The following MICU2 variants were observed in gnomAD, a reference collection of about 807,000 sequenced individuals.
MICU2 encodes mitochondrial calcium uptake 2.
A neutral mutation model predicts 60.4 loss-of-function variants in MICU2; 64 were observed. The ratio of observed to expected loss-of-function variants is 1.06; its 90% confidence interval spans 0.87 to 1.31. The LOEUF is 1.31. Ranked by LOEUF, MICU2 falls within the 50% of genes most tolerant of loss-of-function variation. The pLI is 0.00. For synonymous variants in MICU2, 201 were observed against 175.0 expected (o/e 1.15, Z -1.17); for missense variants, 569 against 531.0 (o/e 1.07, Z -0.70).
chr13:21,567,288 A>G (rs1888008564), intron 1 of MICU2, among the ~76,000 whole-genome samples: 1 of 152,182 alleles, frequency 6.6e-6, no homozygotes, highest in African/African-American at 2.4e-5. Flanking sequence ...GGTCTTTCTG[A>G]AGAGGTAACA....
At chr13:21,502,433 T>C (rs571838858) in intron 9 of MICU2, among the ~76,000 whole-genome samples, 1 of 152,214 alleles carries the variant, frequency 6.6e-6, no homozygotes, top group South Asian at 2.1e-4. Context: ...CATATGCATG[T>C]CATTACATTT....
At chr13:21,497,913 T>G (rs1178613955) in intron 9 of MICU2, among the ~76,000 whole-genome samples, 1 of 152,096 alleles carries the variant, frequency 6.6e-6, no homozygotes, top group African/African-American at 2.4e-5. Flanking sequence ...CACACCCAAC[T>G]AATGTTTTTA....
chr13:21,537,124 C>G (rs1226758643), intron 4 of MICU2, among the ~76,000 whole-genome samples: 1 of 152,114 alleles, frequency 6.6e-6, no homozygotes, highest in Non-Finnish European at 1.5e-5. Context: ...GACTTTCCTA[C>G]TTTCTTTTTA....
intron 2 of MICU2, among the ~76,000 whole-genome samples, chr13:21,541,333 C>G (rs1887279135): frequency 6.6e-6 from 1 of 151,822 alleles, no homozygotes. Flanking sequence ...GTCTGGCTGC[C>G]AAACAGGTAA....
At position 21,588,306 on chromosome 13, in the gene MICU2, T is replaced by C. The variant is rs1485640722; in HGVS notation, c.210+15633A>G. ...CGTTAAACAAAACAATTGTTATGCTTGTGTGCATGGCAGGCCAGAGGCCCA... is the reference window on the plus strand; with the variant it reads ...CGTTAAACAAAACAATTGTTATGCTCGTGTGCATGGCAGGCCAGAGGCCCA... On this transcript the variant is annotated intron_variant, in intron 1 of 11. Transcript: ENST00000382374. Among the ~76,000 whole-genome samples the C allele has an allele frequency of 2.0e-5, 3 of 152,346 alleles. No individual in the cohort carries two copies. In the East Asian group the frequency reaches 5.8e-4, roughly 29 times the overall value.
At chr13:21,603,112 T>C (rs1373374354) in intron 1 of MICU2, among the ~76,000 whole-genome samples, 1 of 151,704 alleles carries the variant, frequency 6.6e-6, no homozygotes, top group Non-Finnish European at 1.5e-5. Flanking sequence ...ACCCAGCTAA[T>C]TGTTTATATT....
At chr13:21,531,755 C>A (rs1489837754) in intron 4 of MICU2, among the ~76,000 whole-genome samples, 1 of 152,174 alleles carries the variant, frequency 6.6e-6, no homozygotes, top group African/African-American at 2.4e-5. Flanking sequence ...GGTCTGCACA[C>A]TCACGTTATC....
At position 21,572,589 on chromosome 13, in the gene MICU2, T is replaced by C. The variant is rs1047323505; in HGVS notation, c.211-5645A>G. The stretch of plus-strand genomic sequence containing the variant: ...GACTTAGACTGTATACCTAAAGTTA[T>C]AATTGGCATGTCCTTGTTTATGGGA... On this transcript the variant is annotated intron_variant, in intron 1 of 11. Coordinates refer to ENST00000382374, the MANE Select transcript of MICU2 (RefSeq NM_152726.3). Among the ~76,000 whole-genome samples the C allele has an allele frequency of 2.6e-5, 4 of 152,252 alleles. No individual in the cohort carries two copies. In the South Asian group the frequency reaches 8.3e-4, roughly 31 times the overall value.
At chr13:21,577,523 T>C (rs1428632574) in intron 1 of MICU2, among the ~76,000 whole-genome samples, 1 of 151,878 alleles carries the variant, frequency 6.6e-6, no homozygotes, top group Non-Finnish European at 1.5e-5. Context: ...ATTACCCAGA[T>C]GAGGCTGGGC....
At chr13:21,601,901 C>T (rs1477045784) in intron 1 of MICU2, among the ~76,000 whole-genome samples, 7 of 151,344 alleles carry the variant, frequency 4.6e-5, no homozygotes, top group Non-Finnish European at 8.8e-5. Flanking sequence ...GTCAGGAGAT[C>T]GAGACCATCC....
rs766701188 is a variant in MICU2 at position 21,604,126 on chromosome 13, C to T, written c.23G>A (p.Cys8Tyr). The T allele has an allele frequency of 1.3e-6, 2 of 1,566,084 alleles. No individual in the cohort carries two copies. The highest frequency in any genetic ancestry group is 1.7e-6 in the Non-Finnish European group (2 of 1,158,404). MAAAAGS[C>Y]ARVAAWGGKL... ...TCCGCCCCAGGCCGCCACCCGCGCG[C>T]AGCTACCCGCAGCCGCCGCCATCTT... Residue 8 changes from cysteine to tyrosine, a missense_variant, in exon 1 of 12, where the codon TGC (cysteine) becomes TAC (tyrosine). Transcript: ENST00000382374.
intron 1 of MICU2, among the ~76,000 whole-genome samples, chr13:21,591,903 G>A (rs1244999524): frequency 6.6e-6 from 1 of 152,106 alleles, no homozygotes; most frequent in African/African-American, 2.4e-5. Flanking sequence ...GCCCACATCA[G>A]AAAGCTAGAA....
chr13:21,550,319 T>C (rs1345030796), intron 2 of MICU2, among the ~76,000 whole-genome samples: 1 of 152,166 alleles, frequency 6.6e-6, no homozygotes, highest in Non-Finnish European at 1.5e-5. Flanking sequence ...GGAGGATCAC[T>C]TGAAGCCAGG....
At chr13:21,559,120 A>G (rs768622956) in intron 2 of MICU2, among the ~76,000 whole-genome samples, 17 of 152,208 alleles carry the variant, frequency 1.1e-4, no homozygotes, top group Non-Finnish European at 1.6e-4. Context: ...TTAATGTGCT[A>G]TACGACTCCA....
At chr13:21,528,586 A>C (rs1052682096) in intron 4 of MICU2, among the ~76,000 whole-genome samples, 10 of 152,172 alleles carry the variant, frequency 6.6e-5, no homozygotes, top group Non-Finnish European at 1.5e-4. Context: ...AATTTAATAA[A>C]CAATTCTACT....
At position 21,560,886 on chromosome 13, in the gene MICU2, T is replaced by A. The variant is rs527542100; in HGVS notation, c.358+5911A>T. On this transcript the variant is annotated intron_variant, in intron 2 of 11. Transcript: ENST00000382374. The stretch of plus-strand genomic sequence containing the variant: ...TTATATTGATTTGATTCAAAACTAT[T>A]CTTTTTCTGACTGGTCCTGTAAGGT... Among the ~76,000 whole-genome samples the A allele has an allele frequency of 4.4e-4, 67 of 152,352 alleles. 1 individual carries two copies. Among genetic ancestry groups the A allele is most frequent in the Non-Finnish European group, 8.1e-4 (55 of 68,038 alleles).
intron 2 of MICU2, among the ~76,000 whole-genome samples, chr13:21,544,532 A>AAAAAAAAAAC (rs560934524): frequency 6.8e-5 from 9 of 132,504 alleles, no homozygotes; most frequent in Non-Finnish European, 9.7e-5. Flanking sequence ...AAAAAAAAAA[A>AAAAAAAAAAC]AACTCAATAC....
intron 2 of MICU2, among the ~76,000 whole-genome samples, chr13:21,554,895 T>C (rs2138024185): frequency 6.6e-6 from 1 of 152,260 alleles, no homozygotes; most frequent in East Asian, 1.9e-4. Flanking sequence ...TAAACACCTC[T>C]ACGCAAATAA....
Position 21,585,292 on chromosome 13 carries a change from A to C in MICU2, c.211-18348T>G, listed in dbSNP as rs917684500. ...TTCTACAGATATTTTTACCTGAGGC[A>C]GTAAAGTATAAAAACTTCTTTGCAT... On this transcript the variant is annotated intron_variant, in intron 1 of 11. Transcript: ENST00000382374. 1.6e-4 allele frequency among the ~76,000 whole-genome samples: 24 copies of C among 152,240 alleles called. 1 individual carries two copies. The highest frequency in any genetic ancestry group is 1.6e-3 in the Admixed American group (24 of 15,280).
Sources: gnomAD v4.1 joint callset for allele counts (sites outside exome capture counted in the v4.1 genomes callset) on GRCh38, gnomAD v4.1.1 for gene constraint, MANE v1.5 for transcripts, NCBI Gene and HGNC (gene_info 2026-07-23, HGNC 2026-07-21) for gene names.